TBCD: variants seen among roughly 807,000 people sequenced by gnomAD.
The protein encoded by TBCD is tubulin folding cofactor D.
TBCD carries 105 observed loss-of-function variants against 169.3 expected under a neutral mutation model. The observed-to-expected ratio is 0.62, with a 90% CI of 0.53 to 0.73. The LOEUF (loss-of-function observed/expected upper bound fraction) is 0.73. Among genes scored for constraint, TBCD ranks in the 30% least tolerant of loss-of-function variants. The pLI is 0.00. For missense variants in TBCD, 1,444 were observed against 1,600.1 expected (o/e 0.90, Z 1.66); for synonymous variants, 700 against 643.9 (o/e 1.09, Z -1.32).
At chr17:82,901,473 C>T (rs539443902) in intron 18 of TBCD, among the ~76,000 whole-genome samples, 5 of 148,360 alleles carry the variant, frequency 3.4e-5, no homozygotes, top group East Asian at 1.9e-4. Flanking sequence ...GGGAGCGGCC[C>T]GGCTGCCTGC....
At chr17:82,753,217 A>T (rs1397051610) in intron 1 of TBCD, among the ~76,000 whole-genome samples, 1 of 152,050 alleles carries the variant, frequency 6.6e-6, no homozygotes, top group East Asian at 1.9e-4. Context: ...GGAGTCAGGC[A>T]GGGTGGGGGG....
rs1174377665 is a variant in TBCD, at chr17:82,903,715, G to C, written c.1804+237G>C. On this transcript the variant is annotated intron_variant, in intron 19 of 38. Transcript: ENST00000355528. The surrounding 1 kb of genome is among the most constrained non-coding windows in gnomAD (Gnocchi z 4.8). ...CTGTGTTACGTACACCGGAGCCCGT[G>C]ATGGTCCCGCCGGATGCCTGACATG... Among the ~76,000 whole-genome samples the C allele has an allele frequency of 6.6e-6, 1 of 152,228 alleles. No individual in the cohort carries two copies. Among genetic ancestry groups the C allele is most frequent in the Non-Finnish European group, 1.5e-5 (1 of 68,036 alleles).
chr17:82,902,531 C>T (rs531790646), intron 18 of TBCD, among the ~76,000 whole-genome samples: 6 of 152,134 alleles, frequency 3.9e-5, no homozygotes, highest in African/African-American at 1.4e-4. Context: ...GCACATGAGA[C>T]GCCACCTGCC....
At chr17:82,869,189 A>T (rs902395147) in intron 13 of TBCD, among the ~76,000 whole-genome samples, 16 of 152,226 alleles carry the variant, frequency 1.1e-4, no homozygotes, top group Non-Finnish European at 5.9e-5. Flanking sequence ...GTTGATCTCA[A>T]GTATTTATTC....
At chr17:82,781,489 G>T in intron 6 of TBCD, 100 bp from the exon 7 acceptor site, 6 of 1,483,320 alleles carry the variant, frequency 4.0e-6, no homozygotes, top group Non-Finnish European at 5.5e-6. Context: ...GGTGCGTGAG[G>T]TGGGAGGGCC....
At chr17:82,776,815 T>G (rs1408339661) in intron 6 of TBCD, among the ~76,000 whole-genome samples, 1 of 152,172 alleles carries the variant, frequency 6.6e-6, no homozygotes, top group Non-Finnish European at 1.5e-5. Context: ...CTCTGAGCAG[T>G]GCTTTGGTGG....
At chr17:82,868,109 G>A (rs1349831235) in intron 13 of TBCD, among the ~76,000 whole-genome samples, 2 of 152,318 alleles carry the variant, frequency 1.3e-5, no homozygotes, top group East Asian at 1.9e-4. Flanking sequence ...CTGTAGAGGC[G>A]TGGCTGCCGC....
chr17:82,823,140 G>A (rs763790955), intron 13 of TBCD, among the ~76,000 whole-genome samples: 2 of 152,226 alleles, frequency 1.3e-5, no homozygotes, highest in African/African-American at 4.8e-5. Context: ...TAGGGACAGG[G>A]CATTCCCTCC....
At chr17:82,872,508 G>A (rs1287574963) in intron 14 of TBCD, among the ~76,000 whole-genome samples, 1 of 152,218 alleles carries the variant, frequency 6.6e-6, no homozygotes, top group East Asian at 1.9e-4. Context: ...GCGTGCCTGT[G>A]CCAGCCTGCA....
Position 82,884,239 on chromosome 17 carries a change from GT to G in TBCD, c.1533+38del. On this transcript the variant is annotated intron_variant, in intron 15 of 38. Coordinates refer to ENST00000355528, the MANE Select transcript of TBCD (RefSeq NM_005993.5). This position sits in a 1 kb window ranked among gnomAD's most constrained non-coding sequence, Gnocchi z 4.2. ...CATTTTGATATTTCCTTTCCTGAAG[GT>G]GGGGGGTGGGCCTGGTCTCCCTGAT... is the stretch of plus-strand genomic sequence containing the variant. 6.4e-7 allele frequency: 1 copy of G among 1,557,512 alleles called. No homozygotes were observed. Among genetic ancestry groups the G allele is most frequent in the South Asian group, 1.2e-5 (1 of 85,254 alleles).
intron 26 of TBCD, 128 bp from the exon 27 acceptor site, chr17:82,924,811 C>A: frequency 1.4e-6 from 1 of 690,430 alleles, no homozygotes. Context: ...AACGTGTCTG[C>A]TTTGGGAACC....
chr17:82,931,174 G>A lies in TBCD; in HGVS notation c.3113+531G>A, dbSNP rs576197801. Among the ~76,000 whole-genome samples, 12 of 152,120 alleles carry A rather than the reference G, an allele frequency of 7.9e-5. No homozygotes were observed. In the South Asian group the frequency reaches 2.5e-3, roughly 32 times the overall value. On this transcript the variant is annotated intron_variant, in intron 33 of 38. Transcript: ENST00000355528. ...GAAGGGTTGTTCCCAGCATGTGCGA[G>A]GACGAGGACACGGGCCTGGTGTCCC...
Position 82,930,084 on chromosome 17 carries a change from G to A in TBCD, c.2992-438G>A. The A allele has an allele frequency of 3.9e-6, 1 of 254,514 alleles. No individual in the cohort carries two copies. The highest frequency in any genetic ancestry group is 7.7e-6 in the Non-Finnish European group (1 of 130,136). 15.8% of individuals were successfully genotyped at this position (254,514 alleles called of 1,614,324 possible). ...CCTCTGCGCCGTGTGGGCGCGTGCG[G>A]GGAGACCCGGGCCCCAGGACGTGAG... On this transcript the variant is annotated intron_variant, in intron 32 of 38. Transcript: ENST00000355528. This position sits in a 1 kb window ranked among gnomAD's most constrained non-coding sequence, Gnocchi z 5.2.
chr17:82,937,663 C>G, intron 35 of TBCD: 1 of 607,406 alleles, frequency 1.6e-6, no homozygotes, highest in Non-Finnish European at 2.9e-6. Context: ...CCCCGATTCT[C>G]CTGTGTGCCC....
intron 34 of TBCD, 124 bp downstream of exon 34, chr17:82,932,859 A>T (rs2062318494): frequency 1.1e-6 from 1 of 888,378 alleles, no homozygotes; most frequent in African/African-American, 1.7e-5. Flanking sequence ...GTTCTGGGTC[A>T]GTTATGGTGA....
chr17:82,865,979 G>A (rs1599041847), intron 13 of TBCD, among the ~76,000 whole-genome samples: 2 of 152,206 alleles, frequency 1.3e-5, no homozygotes, highest in Admixed American at 6.5e-5. Flanking sequence ...TGTTCTATAC[G>A]CGACATGCAT....
At chr17:82,859,192 G>T (rs7209378) in intron 13 of TBCD, among the ~76,000 whole-genome samples, 1 of 131,048 alleles carries the variant, frequency 7.6e-6, no homozygotes. Flanking sequence ...CTGGCCTGCC[G>T]GCTCTGTGTC....
intron 5 of TBCD, among the ~76,000 whole-genome samples, chr17:82,769,876 C>CA (rs11348436): frequency 1.7e-3 from 186 of 110,866 alleles, no homozygotes; most frequent in East Asian, 2.8e-3. Context: ...GAGTCCATCT[C>CA]AAAAAAAAAA....
intron 7 of TBCD, among the ~76,000 whole-genome samples, chr17:82,785,776 T>C (rs2049272926): frequency 6.9e-6 from 1 of 145,446 alleles, no homozygotes; most frequent in Non-Finnish European, 1.5e-5. Flanking sequence ...CTGGGACCAC[T>C]GGATCCCGCC....
Sources: allele counts gnomAD v4.1 joint callset (sites outside exome capture counted in the v4.1 genomes callset), GRCh38; gene constraint gnomAD v4.1.1; non-coding constraint Gnocchi (gnomAD v3.1); transcripts MANE v1.5; gene names NCBI Gene and HGNC (gene_info 2026-07-23, HGNC 2026-07-21).